The following SYDE2 variants were observed in gnomAD, a reference collection of about 807,000 sequenced individuals.
The protein encoded by SYDE2 is rho GTPase-activating protein SYDE2.
SYDE2 carries 76 observed loss-of-function variants against 91.5 expected under a neutral mutation model. The ratio of observed to expected loss-of-function variants is 0.83; its 90% confidence interval spans 0.69 to 1.01. SYDE2 has a LOEUF of 1.01. Ranked by LOEUF, SYDE2 falls within the 50% of genes least tolerant of loss-of-function variation. The pLI is 0.00. For synonymous variants in SYDE2, 513 were observed against 506.4 expected (o/e 1.01, Z -0.18); for missense variants, 1,364 against 1,367.7 (o/e 1.00, Z 0.04).
At chr1:85,159,320 GATAAGCCATTTAATCATCA>G in intron 6 of SYDE2, 71 bp from the exon 7 acceptor site, 2 of 721,182 alleles carry the variant, frequency 2.8e-6, no homozygotes, top group Non-Finnish European at 2.5e-6. Context: ...CAGAGCTAAA[GATAAGCCATTTAATCATCA>G]ACTACAAACA....
In SYDE2 at chr1:85,178,256, C is replaced by T. The variant is rs765843144; in HGVS notation, c.2561G>A (p.Arg854Gln). 3 of 1,576,044 alleles carry T rather than the reference C, an allele frequency of 1.9e-6. No individual in the cohort carries two copies. Among genetic ancestry groups the T allele is most frequent in the African/African-American group, 2.7e-5 (2 of 73,956 alleles). Residue 854 changes from arginine to glutamine, a missense_variant, in exon 4 of 7, where the codon CGA (arginine) becomes CAA (glutamine). By Grantham distance (43) the Arg-to-Gln change is conservative. Coordinates refer to ENST00000341460, the MANE Select transcript of SYDE2 (RefSeq NM_032184.2). ...CTTGACTGCTGCCGAACCACATAAT[C>T]GATACAGGCCTACTACCTAGGAATA... Reference protein sequence around the residue: ...KRGCQVVGLYRLCGSAAVKKE... With the variant: ...KRGCQVVGLYQLCGSAAVKKE...
intron 3 of SYDE2, among the ~76,000 whole-genome samples, chr1:85,179,807 C>T (rs1040699178): frequency 6.6e-6 from 1 of 151,654 alleles, no homozygotes; most frequent in African/African-American, 2.4e-5. Context: ...AAGTACCATA[C>T]AAACGATGTA....
intron 6 of SYDE2, chr1:85,159,828 G>A: frequency 3.1e-6 from 3 of 978,126 alleles, no homozygotes; most frequent in Middle Eastern, 5.3e-4. Context: ...TGTTACCTGA[G>A]TTTGATTATA....
At chr1:85,162,467 G>A (rs1039278476) in intron 6 of SYDE2, among the ~76,000 whole-genome samples, 4 of 151,138 alleles carry the variant, frequency 2.6e-5, no homozygotes, top group Admixed American at 6.6e-5. Context: ...GGGTAAAACT[G>A]TTGTTTCTTC....
intron 2 of SYDE2, among the ~76,000 whole-genome samples, chr1:85,185,235 A>T (rs1658087906): frequency 6.8e-6 from 1 of 147,638 alleles, no homozygotes; most frequent in Non-Finnish European, 1.5e-5. Flanking sequence ...ATATATATTT[A>T]TATTATTTTA....
chr1:85,174,648 C>T (rs1401919583), intron 4 of SYDE2, among the ~76,000 whole-genome samples: 2 of 148,308 alleles, frequency 1.3e-5, no homozygotes, highest in Non-Finnish European at 3.0e-5. Flanking sequence ...CCCCACCTTA[C>T]CTCACTTACT....
At chr1:85,186,383 C>G (rs952822965) in intron 2 of SYDE2, among the ~76,000 whole-genome samples, 7 of 152,110 alleles carry the variant, frequency 4.6e-5, no homozygotes, top group African/African-American at 1.7e-4. Flanking sequence ...ACCAGTTCCT[C>G]CTTGTACCTC....
In SYDE2 at chr1:85,200,283, C is replaced by T; in HGVS notation, c.714G>A (p.Ser238=). The T allele has an allele frequency of 1.9e-6, 3 of 1,613,946 alleles. No homozygotes were observed. The highest frequency in any genetic ancestry group is 2.5e-6 in the Non-Finnish European group (3 of 1,179,876). ...ALKVRENRVL[S]VPPDQRITLT... is the part of the protein sequence containing the mutation. ...GCGTAATTCTTTGGTCTGGAGGCAC[C>T]GACAGGACACGGTTTTCACGCACTT... The change falls in exon 1 of 7, where the codon TCG becomes TCA. Residue 238 remains serine (S), a synonymous_variant. Transcript: ENST00000341460.
At chr1:85,195,739 T>G (rs1361358544) in intron 1 of SYDE2, among the ~76,000 whole-genome samples, 1 of 152,130 alleles carries the variant, frequency 6.6e-6, no homozygotes, top group Non-Finnish European at 1.5e-5. Context: ...CAATTCCCAG[T>G]GCTCCTCAAG....
In SYDE2 at chr1:85,190,396, C is replaced by T; in HGVS notation, c.1102G>A (p.Gly368Arg). ...FNEENDADDE[G>R]EIWYNPIPED... Reference sequence around the variant, plus strand: ...GGAATGGGATTGTACCATATTTCTCCTTCATCATCTGCATCATTTTCCTCA... The same window carrying T: ...GGAATGGGATTGTACCATATTTCTCTTTCATCATCTGCATCATTTTCCTCA... The change falls in exon 2 of 7, where the codon GGA becomes AGA. Residue 368 changes from glycine (G) to arginine (R), a missense_variant. Transcript: ENST00000341460. 1 of 1,613,830 alleles carries T rather than the reference C, an allele frequency of 6.2e-7. No individual in the cohort carries two copies.
intron 6 of SYDE2, among the ~76,000 whole-genome samples, chr1:85,163,676 T>C (rs1049393600): frequency 1.3e-5 from 2 of 151,814 alleles, no homozygotes; most frequent in Admixed American, 6.6e-5. Flanking sequence ...CATCCAGATC[T>C]GAACCCAAAC....
rs759939168 is a variant in SYDE2, at chr1:85,182,544, T to C, written c.2098A>G (p.Lys700Glu). Residue 700 changes from lysine (K) to glutamate (E), a missense_variant, in exon 3 of 7, where the codon AAA (lysine) becomes GAA (glutamate). Lys to Glu is a moderately conservative substitution (Grantham distance 56). Transcript: ENST00000341460. ...ACCTGAATTGCACAAAAGACGTCTT[T>C]TGAATCTATCCGAGGTGGTTTTAAA... ...EDLKPPRIDS[K>E]DVFCAIQVDS... 7.4e-6 allele frequency: 12 copies of C among 1,613,816 alleles called. No homozygotes were observed. The highest frequency in any genetic ancestry group is 2.2e-5 in the South Asian group (2 of 91,078).
Position 85,158,498 on chromosome 1 carries a change from C to A in SYDE2, c.*252G>T. ...TCTTAAGTGCATTTGAAAGTTATCTCCATAGAGTTGGCAAGATTTAGTAAA... is the reference window on the plus strand; with the variant it reads ...TCTTAAGTGCATTTGAAAGTTATCTACATAGAGTTGGCAAGATTTAGTAAA... On this transcript the variant is annotated 3_prime_UTR_variant, in exon 7 of 7. Coordinates refer to ENST00000341460, the MANE Select transcript of SYDE2 (RefSeq NM_032184.2). 1 of 393,312 alleles carries A rather than the reference C, an allele frequency of 2.5e-6. No individual in the cohort carries two copies. The highest frequency in any genetic ancestry group is 4.4e-6 in the Non-Finnish European group (1 of 225,408). 24.4% of individuals were successfully genotyped at this position (393,312 alleles called of 1,614,324 possible). A position where few individuals can be genotyped will look rare whatever the true frequency, so the allele number is the denominator to read the frequency against.
downstream of SYDE2, among the ~76,000 whole-genome samples, chr1:85,156,566 C>T (rs913237170): frequency 6.6e-6 from 1 of 152,082 alleles, no homozygotes; most frequent in African/African-American, 2.4e-5. Flanking sequence ...ACTTCTGGTA[C>T]AGCAGAGTCA....
At chr1:85,171,095 G>T (rs1657490887) in intron 4 of SYDE2, among the ~76,000 whole-genome samples, 1 of 152,124 alleles carries the variant, frequency 6.6e-6, no homozygotes, top group Admixed American at 6.6e-5. Flanking sequence ...CATGTTTTAG[G>T]GGGTAAAGAG....
chr1:85,188,756 C>T (rs556690789), intron 2 of SYDE2, among the ~76,000 whole-genome samples: 57 of 152,268 alleles, frequency 3.7e-4, no homozygotes, highest in African/African-American at 1.2e-3. Context: ...TTGAGAGGCA[C>T]GCCGAGGCTG....
At chr1:85,198,117 CTAGAG>C (rs1262738588) in intron 1 of SYDE2, among the ~76,000 whole-genome samples, 1 of 152,176 alleles carries the variant, frequency 6.6e-6, no homozygotes, top group East Asian at 1.9e-4. Flanking sequence ...TTAAAGAACT[CTAGAG>C]TCTCTGATCT....
chr1:85,170,974 C>A (rs1657483884), intron 4 of SYDE2, among the ~76,000 whole-genome samples: 1 of 152,018 alleles, frequency 6.6e-6, no homozygotes, highest in Non-Finnish European at 1.5e-5. Flanking sequence ...AATGCATTTG[C>A]AATTTTGAGG....
intron 6 of SYDE2, 47 bp from the exon 7 acceptor site, chr1:85,159,296 ACTT>A: frequency 4.0e-6 from 3 of 745,094 alleles, no homozygotes; most frequent in Admixed American, 2.0e-5. Flanking sequence ...ATCCAACTGA[ACTT>A]AAAAAAAAAA....
Sources: allele counts gnomAD v4.1 joint callset (sites outside exome capture counted in the v4.1 genomes callset), GRCh38; gene constraint gnomAD v4.1.1; transcripts MANE v1.5; gene names NCBI Gene and HGNC (gene_info 2026-07-23, HGNC 2026-07-21).